CCDC57: variants seen among roughly 807,000 people sequenced by gnomAD.
CCDC57 encodes coiled-coil domain containing 57.
A neutral mutation model predicts 118.9 loss-of-function variants in CCDC57; 118 were observed. The observed-to-expected ratio is 0.99, with a 90% CI of 0.86 to 1.16. CCDC57 has a LOEUF of 1.16. Ranked by LOEUF, CCDC57 falls within the 50% of genes most tolerant of loss-of-function variation. The pLI is 0.00. For synonymous variants in CCDC57, 527 were observed against 532.9 expected (o/e 0.99, Z 0.15); for missense variants, 1,300 against 1,320.7 (o/e 0.98, Z 0.24).
chr17:82,187,253 A>C (rs2047047110), intron 8 of CCDC57, among the ~76,000 whole-genome samples: 1 of 150,730 alleles, frequency 6.6e-6, no homozygotes, highest in Non-Finnish European at 1.5e-5. Context: ...AAAAAAAAAA[A>C]AAGTCAAGAT....
intron 19 of CCDC57, among the ~76,000 whole-genome samples, chr17:82,120,400 A>T (rs576799972): frequency 5.1e-4 from 78 of 152,270 alleles, no homozygotes; most frequent in African/African-American, 1.6e-3. Context: ...CGTTTCTAGA[A>T]TGGAGCTTTC....
intron 7 of CCDC57, among the ~76,000 whole-genome samples, chr17:82,190,609 A>G (rs2047547675): frequency 6.7e-6 from 1 of 150,194 alleles, no homozygotes; most frequent in Non-Finnish European, 1.5e-5. Flanking sequence ...GCATGAGAAT[A>G]GCTTGAACTC....
chr17:82,168,576 C>G (rs2044281872), intron 13 of CCDC57, among the ~76,000 whole-genome samples: 1 of 152,080 alleles, frequency 6.6e-6, no homozygotes, highest in South Asian at 2.1e-4. Flanking sequence ...CCAGCCTGGG[C>G]AACAGAGACT....
At chr17:82,117,584 G>A (rs1401592839) in intron 19 of CCDC57, among the ~76,000 whole-genome samples, 1 of 152,196 alleles carries the variant, frequency 6.6e-6, no homozygotes, top group African/African-American at 2.4e-5. Flanking sequence ...AAGCCTGGGA[G>A]GTTGAGGCTT....
rs758918242 is a variant in CCDC57, at chr17:82,193,759, C to T, written c.848G>A (p.Arg283Lys). The T allele has an allele frequency of 6.3e-6, 10 of 1,595,160 alleles. No individual in the cohort carries two copies. In the Admixed American group the frequency reaches 1.8e-4, roughly 28 times the overall value. Residue 283 changes from arginine (R) to lysine (K), a missense_variant, in exon 7 of 20, where the codon AGG becomes AAG. Physicochemically the swap from Arg to Lys is conservative, Grantham distance 26 (BLOSUM62 2). Transcript: ENST00000665763. Reference sequence around the variant, plus strand: ...TGTTGGGAGCCGAAACACTCACTTCCTCTTAAATGTTTCCTCTTCCTTCTT... The same window carrying T: ...TGTTGGGAGCCGAAACACTCACTTCTTCTTAAATGTTTCCTCTTCCTTCTT...
intron 15 of CCDC57, chr17:82,154,907 C>T (rs1181010633): frequency 6.6e-6 from 1 of 152,396 alleles, no homozygotes. Context: ...TCCCAGGTCT[C>T]CTAACTGGAG....
intron 14 of CCDC57, among the ~76,000 whole-genome samples, chr17:82,161,348 C>T (rs1388648710): frequency 6.6e-6 from 1 of 152,088 alleles, no homozygotes; most frequent in African/African-American, 2.4e-5. Flanking sequence ...CACGGTGGCT[C>T]CTCAAAGGGT....
At chr17:82,137,935 G>A (rs375095475) in intron 16 of CCDC57, among the ~76,000 whole-genome samples, 6 of 151,830 alleles carry the variant, frequency 4.0e-5, no homozygotes, top group Admixed American at 2.6e-4. Flanking sequence ...GCCTCCCAAA[G>A]TGCTGGGATT....
chr17:82,183,629 T>G, intron 9 of CCDC57, 145 bp downstream of exon 8: 1 of 799,530 alleles, frequency 1.3e-6, no homozygotes, highest in Non-Finnish European at 1.9e-6. Flanking sequence ...TGACCAGACA[T>G]TCTATCTGTC....
intron 19 of CCDC57, chr17:82,127,310 G>A (rs2037594943): frequency 1.0e-6 from 1 of 985,282 alleles, no homozygotes; most frequent in Non-Finnish European, 1.2e-6. Context: ...CAGGAGCAGG[G>A]CCGTCTAAAG....
At chr17:82,200,967 G>A (rs563067197) in intron 3 of CCDC57, among the ~76,000 whole-genome samples, 19 of 152,240 alleles carry the variant, frequency 1.2e-4, no homozygotes, top group East Asian at 5.8e-4. Context: ...ATGAACCTGC[G>A]GTACTTCTGA....
intron 13 of CCDC57, among the ~76,000 whole-genome samples, chr17:82,166,636 G>A (rs1221191007): frequency 6.6e-6 from 1 of 152,046 alleles, no homozygotes; most frequent in Non-Finnish European, 1.5e-5. Context: ...GGCCAACTGT[G>A]ATGGCTCATG....
intron 3 of CCDC57, 98 bp from the exon 3 acceptor site, chr17:82,198,520 G>C (rs2048569962): frequency 5.9e-6 from 5 of 842,232 alleles, no homozygotes; most frequent in East Asian, 5.4e-5. Context: ...TTGGTGCTTT[G>C]CTTTTATGAA....
At chr17:82,159,274 CAGGTG>C (rs2043036207) in intron 14 of CCDC57, among the ~76,000 whole-genome samples, 1 of 152,326 alleles carries the variant, frequency 6.6e-6, no homozygotes, top group East Asian at 1.9e-4. Context: ...GTTGAGATTA[CAGGTG>C]TGTACCACCG....
At chr17:82,146,967 C>T (rs987599018) in intron 16 of CCDC57, among the ~76,000 whole-genome samples, 4 of 152,214 alleles carry the variant, frequency 2.6e-5, no homozygotes, top group African/African-American at 9.6e-5. Context: ...GGATTACAGG[C>T]GTGAGCCACC....
chr17:82,165,695 A>C (rs977069741), intron 13 of CCDC57, among the ~76,000 whole-genome samples: 34 of 152,178 alleles, frequency 2.2e-4, no homozygotes, highest in African/African-American at 8.2e-4. Context: ...ACCCCTGAGG[A>C]GCTGCCGTGT....
intron 19 of CCDC57, among the ~76,000 whole-genome samples, chr17:82,110,790 C>T (rs868524352): frequency 6.6e-6 from 1 of 151,904 alleles, no homozygotes; most frequent in East Asian, 1.9e-4. Flanking sequence ...TTTGGGAGGC[C>T]GAGGCGGGCG....
chr17:82,125,827 G>C (rs1318733543), intron 19 of CCDC57, among the ~76,000 whole-genome samples: 1 of 152,232 alleles, frequency 6.6e-6, no homozygotes, highest in Non-Finnish European at 1.5e-5. Context: ...TGACCCAATG[G>C]AACTGCCTGT....
intron 9 of CCDC57, among the ~76,000 whole-genome samples, chr17:82,179,884 A>G (rs1349428413): frequency 1.3e-5 from 2 of 152,244 alleles, no homozygotes; most frequent in African/African-American, 4.8e-5. Flanking sequence ...GGAAAAAAGA[A>G]CAAGAATTGG....
Sources: gnomAD v4.1 joint callset for allele counts (sites outside exome capture counted in the v4.1 genomes callset) on GRCh38, gnomAD v4.1.1 for gene constraint, MANE v1.5 for transcripts, NCBI Gene and HGNC (gene_info 2026-07-23, HGNC 2026-07-21) for gene names.